The following PRDM5 variants were observed in gnomAD, a reference collection of about 807,000 sequenced individuals.
PRDM5 encodes PR/SET domain 5.
In PRDM5, 56 loss-of-function variants were observed where a neutral mutation model predicts 81.2. That is an observed-to-expected ratio of 0.69 (90% CI 0.56 to 0.86). The LOEUF is 0.86. PRDM5 is among the 40% of genes least tolerant of loss of function. The pLI, the probability that PRDM5 is intolerant of heterozygous loss-of-function variation, is 0.00. For missense variants in PRDM5, 697 were observed against 770.1 expected (o/e 0.91, Z 1.12); for synonymous variants, 267 against 256.4 (o/e 1.04, Z -0.39).
At chr4:120,774,476 A>G (rs1400248201) in intron 13 of PRDM5, among the ~76,000 whole-genome samples, 1 of 152,232 alleles carries the variant, frequency 6.6e-6, no homozygotes, top group Non-Finnish European at 1.5e-5. Context: ...TAGTGAAATA[A>G]CTGCATAAAA....
At chr4:120,759,209 G>A (rs1038134344) in intron 13 of PRDM5, among the ~76,000 whole-genome samples, 1 of 152,124 alleles carries the variant, frequency 6.6e-6, no homozygotes, top group Non-Finnish European at 1.5e-5. Context: ...GACATATCTG[G>A]GAAACTTGGG....
intron 3 of PRDM5, among the ~76,000 whole-genome samples, chr4:120,853,065 A>G (rs1342497469): frequency 6.6e-6 from 1 of 152,142 alleles, no homozygotes; most frequent in Non-Finnish European, 1.5e-5. Context: ...TTTCCCAAAC[A>G]CTAACAGAGG....
chr4:120,903,188 C>G (rs1296739450), intron 2 of PRDM5, among the ~76,000 whole-genome samples: 1 of 152,152 alleles, frequency 6.6e-6, no homozygotes, highest in Non-Finnish European at 1.5e-5. Context: ...CATTTGAGAG[C>G]TTCATTGTGG....
chr4:120,828,975 C>A (rs1756371547), intron 3 of PRDM5, among the ~76,000 whole-genome samples: 1 of 151,978 alleles, frequency 6.6e-6, no homozygotes, highest in Admixed American at 6.6e-5. Flanking sequence ...GACTCAATCA[C>A]AAGTGAAATA....
intron 14 of PRDM5, among the ~76,000 whole-genome samples, chr4:120,733,416 T>C (rs1295676334): frequency 6.6e-6 from 1 of 152,130 alleles, no homozygotes. Context: ...CTTCACATCC[T>C]TGCACACGAC....
At chr4:120,765,233 A>G (rs1242047686) in intron 13 of PRDM5, among the ~76,000 whole-genome samples, 1 of 152,214 alleles carries the variant, frequency 6.6e-6, no homozygotes, top group African/African-American at 2.4e-5. Context: ...GTTTCCTAAG[A>G]CAGTGATTTA....
At chr4:120,863,266 C>T (rs2667188) in intron 2 of PRDM5, among the ~76,000 whole-genome samples, 22,101 of 148,338 alleles carry the variant, frequency 0.15, 1,674 homozygotes, top group East Asian at 0.17. Context: ...TGATCCTTCA[C>T]GGGAGGGAGA....
Position 120,754,596 on chromosome 4 carries a change from C to T in PRDM5, c.1580G>A (p.Ser527Asn). Residue 527 changes from serine to asparagine, a missense_variant, in exon 14 of 16, where the codon AGT becomes AAT. By Grantham distance (46) the Ser-to-Asn change is conservative. This residue lies in a region of PRDM5 where 86 missense variants were observed against 135.2 expected (regional missense o/e 0.64). Transcript: ENST00000264808. ...YQCPYCEKGF[S>N]KNDGLKMHIR... ...GTGCATCTTCAGTCCATCATTTTTA[C>T]TGAATCCTTTTTCACAGTAAGGACA... 1 of 1,602,130 alleles carries T rather than the reference C, an allele frequency of 6.2e-7. No individual in the cohort carries two copies. The highest frequency in any genetic ancestry group is 8.6e-7 in the Non-Finnish European group (1 of 1,169,280).
chr4:120,701,795 C>A (rs1317900766), intron 15 of PRDM5, among the ~76,000 whole-genome samples: 1 of 151,938 alleles, frequency 6.6e-6, no homozygotes, highest in Non-Finnish European at 1.5e-5. Flanking sequence ...AACAAACCTG[C>A]AGATGTACTC....
At chr4:120,857,579 A>G (rs1511306) in intron 2 of PRDM5, among the ~76,000 whole-genome samples, 129,847 of 152,148 alleles carry the variant, frequency 0.85, 55,540 homozygotes, top group East Asian at 0.93. Context: ...CATTGCTACC[A>G]TGTATCTGTA....
At chr4:120,774,631 G>A (rs1375859388) in intron 13 of PRDM5, among the ~76,000 whole-genome samples, 1 of 152,126 alleles carries the variant, frequency 6.6e-6, no homozygotes, top group African/African-American at 2.4e-5. Flanking sequence ...CGTTATGGAG[G>A]CCCAGATGCC....
chr4:120,723,201 C>G (rs1219559435), intron 14 of PRDM5, among the ~76,000 whole-genome samples: 1 of 152,128 alleles, frequency 6.6e-6, no homozygotes, highest in Non-Finnish European at 1.5e-5. Context: ...TGAAAATACA[C>G]AACACAGTCT....
chr4:120,750,612 CAGA>C (rs760792846), intron 14 of PRDM5, among the ~76,000 whole-genome samples: 1 of 151,978 alleles, frequency 6.6e-6, no homozygotes, highest in African/African-American at 2.4e-5. Context: ...AACGGCCTAG[CAGA>C]AGAAGTATAC....
chr4:120,789,162 A>G (rs114704260), intron 10 of PRDM5, among the ~76,000 whole-genome samples: 3,288 of 152,308 alleles, frequency 0.022, 52 homozygotes, highest in Middle Eastern at 0.034. Flanking sequence ...GAACTAGTCC[A>G]TGAACAAGTA....
intron 15 of PRDM5, among the ~76,000 whole-genome samples, chr4:120,709,809 T>C (rs768388136): frequency 6.6e-6 from 1 of 152,054 alleles, no homozygotes; most frequent in Non-Finnish European, 1.5e-5. Context: ...ATAATTCCAT[T>C]TCAATCCAAA....
chr4:120,724,391 A>G (rs843577), intron 14 of PRDM5, among the ~76,000 whole-genome samples: 72,376 of 152,040 alleles, frequency 0.48, 17,913 homozygotes, highest in East Asian at 0.67. Context: ...AGCTTTTGTT[A>G]CTACACAATT....
chr4:120,805,672 C>T (rs1752810106), intron 8 of PRDM5, among the ~76,000 whole-genome samples: 1 of 152,204 alleles, frequency 6.6e-6, no homozygotes. Context: ...TAAAAACTCT[C>T]AATAAACTAG....
intron 2 of PRDM5, among the ~76,000 whole-genome samples, chr4:120,864,127 C>T (rs899826158): frequency 9.2e-5 from 14 of 152,088 alleles, no homozygotes; most frequent in African/African-American, 3.1e-4. Context: ...GATTCAACTG[C>T]GAAAGATGAA....
At chr4:120,801,052 G>A (rs1383319517) in intron 8 of PRDM5, among the ~76,000 whole-genome samples, 1 of 152,160 alleles carries the variant, frequency 6.6e-6, no homozygotes, top group Non-Finnish European at 1.5e-5. Context: ...TATTAGAAAT[G>A]TTGATCATCC....
Sources: allele counts gnomAD v4.1 joint callset (sites outside exome capture counted in the v4.1 genomes callset), GRCh38; gene constraint gnomAD v4.1.1; regional missense constraint gnomAD v4.1.1; transcripts MANE v1.5; gene names NCBI Gene and HGNC (gene_info 2026-07-23, HGNC 2026-07-21).